The following NUDC variants were observed in gnomAD, a reference collection of about 807,000 sequenced individuals.
NUDC encodes the protein nuclear migration protein nudC.
Under a neutral mutation model 45.0 loss-of-function variants are expected in NUDC, and 14 were observed. The observed-to-expected ratio is 0.31, with a 90% CI of 0.21 to 0.49. The LOEUF (loss-of-function observed/expected upper bound fraction) is 0.49. NUDC is among the 20% of genes least tolerant of loss of function. The probability of loss-of-function intolerance (pLI) is 0.99; values close to 1 mark genes in which losing one functional copy is unlikely to be tolerated. For missense variants in NUDC, 323 were observed against 426.2 expected (o/e 0.76, Z 2.13); for synonymous variants, 153 against 156.7 (o/e 0.98, Z 0.17).
At chr1:26,918,824 C>T (rs548990813), upstream of NUDC, among the ~76,000 whole-genome samples, 1 of 152,246 alleles carries the variant, frequency 6.6e-6, no homozygotes, top group South Asian at 2.1e-4. Flanking sequence ...GATCCACCTG[C>T]CTCAGCCTCC....
At position 26,946,234 on chromosome 1, in the gene NUDC, T is replaced by C; in HGVS notation, c.*53T>C. On this transcript the variant is annotated 3_prime_UTR_variant, in exon 9 of 9. Coordinates refer to ENST00000321265, the MANE Select transcript of NUDC (RefSeq NM_006600.4). Reference sequence around the variant, plus strand: ...GGGGCTGAGCTGCAACCACCCAACTTTCTTTCCCACTCTTCTCTGGGACTT... The same window carrying C: ...GGGGCTGAGCTGCAACCACCCAACTCTCTTTCCCACTCTTCTCTGGGACTT... The C allele has an allele frequency of 3.3e-6, 5 of 1,505,226 alleles. No homozygotes were observed. The highest frequency in any genetic ancestry group is 4.6e-6 in the Non-Finnish European group (5 of 1,082,626). The allele number at this position is 1,505,226 out of a possible 1,614,324, so 93.2% of individuals were successfully genotyped here.
chr1:26,942,251 A>G (rs1045969468), intron 4 of NUDC, among the ~76,000 whole-genome samples: 11 of 152,172 alleles, frequency 7.2e-5, no homozygotes, highest in African/African-American at 2.4e-4. Flanking sequence ...AGATCACGCC[A>G]CTGCACTCCA....
intron 2 of NUDC, among the ~76,000 whole-genome samples, chr1:26,902,745 C>CA (rs767379045): frequency 0.011 from 1,455 of 136,862 alleles, 8 homozygotes; most frequent in Admixed American, 0.016. Context: ...GAATCTGTCT[C>CA]AAAAAAAAAA....
Position 26,946,082 on chromosome 1 carries a change from C to A in NUDC, c.945-48C>A, listed in dbSNP as rs2082315494. ...ACGGGGGTGCTGGGAGAAGGGACAG[C>A]TTTAGAAGAGAAGGATGAGCTGTTT... On this transcript the variant is annotated intron_variant, in intron 8 of 8. Coordinates refer to ENST00000321265, the MANE Select transcript of NUDC (RefSeq NM_006600.4). 1.0e-5 allele frequency: 16 copies of A among 1,579,756 alleles called. No individual in the cohort carries two copies. In the East Asian group the frequency reaches 3.6e-4, roughly 35 times the overall value.
upstream of NUDC, among the ~76,000 whole-genome samples, chr1:26,918,149 G>A (rs1027839903): frequency 4.0e-5 from 6 of 151,256 alleles, no homozygotes; most frequent in Non-Finnish European, 5.9e-5. Flanking sequence ...CGAGGAATCT[G>A]GTGTCCATTA....
intron 6 of NUDC, among the ~76,000 whole-genome samples, chr1:26,944,983 A>T (rs533570194): frequency 1.3e-5 from 2 of 152,322 alleles, no homozygotes; most frequent in South Asian, 2.1e-4. Context: ...CAGAGGTTGC[A>T]GTGAGCCGAG....
intron 2 of NUDC, among the ~76,000 whole-genome samples, chr1:26,925,807 CGCCTTGCGAGT>C (rs1448258675): frequency 6.6e-6 from 1 of 150,946 alleles, no homozygotes; most frequent in Non-Finnish European, 1.5e-5. Flanking sequence ...CCACAACCTC[CGCCTTGCGAGT>C]TCAAGCAATT....
At chr1:26,943,284 T>G (rs1255655572) in intron 6 of NUDC, among the ~76,000 whole-genome samples, 2 of 152,164 alleles carry the variant, frequency 1.3e-5, no homozygotes, top group Non-Finnish European at 2.9e-5. Context: ...CTTAGCTCAC[T>G]GCAGCCTTGA....
intron 4 of NUDC, 140 bp from the exon 5 acceptor site, chr1:26,942,520 C>T (rs1302098987): frequency 4.0e-6 from 5 of 1,253,494 alleles, no homozygotes; most frequent in East Asian, 2.3e-5. Flanking sequence ...GGGGTCTGCC[C>T]CTCTGTGGAG....
chr1:26,905,390 A>C (rs2081998989), intron 2 of NUDC, among the ~76,000 whole-genome samples: 1 of 149,486 alleles, frequency 6.7e-6, no homozygotes, highest in Non-Finnish European at 1.5e-5. Context: ...CGAACTCCAG[A>C]CCTCAGGTGA....
chr1:26,909,664 T>G (rs2082017227), intron 2 of NUDC, among the ~76,000 whole-genome samples: 1 of 152,132 alleles, frequency 6.6e-6, no homozygotes. Flanking sequence ...CTGAATCTTC[T>G]GGATTTGGGT....
intron 2 of NUDC, among the ~76,000 whole-genome samples, chr1:26,925,964 T>A (rs1456259572): frequency 6.6e-6 from 1 of 151,982 alleles, no homozygotes; most frequent in Non-Finnish European, 1.5e-5. Context: ...TCAGGTGATC[T>A]GCCTGCCTTG....
At chr1:26,902,910 A>G (rs1278250915) in intron 2 of NUDC, among the ~76,000 whole-genome samples, 1 of 152,012 alleles carries the variant, frequency 6.6e-6, no homozygotes, top group Admixed American at 6.6e-5. Context: ...TTAGCCACTC[A>G]TGGTGGTATG....
At chr1:26,915,121 G>A (rs1042479061) in intron 3 of NUDC, among the ~76,000 whole-genome samples, 12 of 149,076 alleles carry the variant, frequency 8.0e-5, no homozygotes, top group Non-Finnish European at 1.6e-4. Context: ...TATGTGTCAG[G>A]CACTTCCCAC....
chr1:26,932,924 C>G lies in NUDC; in HGVS notation c.160-8533C>G, dbSNP rs1294663436. On this transcript the variant is annotated intron_variant, in intron 2 of 8. Transcript: ENST00000321265. ...TAGCATGTGACAGGATTTCCATCCC[C>G]TTTAAGGCTGAATAATATTCCATTA... is the stretch of plus-strand genomic sequence containing the variant. Among the ~76,000 whole-genome samples the G allele has an allele frequency of 2.0e-5, 3 of 152,130 alleles. No individual in the cohort carries two copies. The East Asian group carries it at 5.8e-4, about 29-fold the overall frequency.
At chr1:26,927,371 G>T (rs1345820455) in intron 2 of NUDC, among the ~76,000 whole-genome samples, 1 of 145,696 alleles carries the variant, frequency 6.9e-6, no homozygotes, top group Non-Finnish European at 1.5e-5. Flanking sequence ...GCCTCCCAAA[G>T]TGCTGGGACT....
chr1:26,929,686 GTAAA>G (rs1264860399), intron 2 of NUDC: 1 of 431,782 alleles, frequency 2.3e-6, no homozygotes, highest in Admixed American at 2.4e-5. Flanking sequence ...TTTTTGATGA[GTAAA>G]TATTATGTGA....
chr1:26,904,776 ATTC>A (rs1172845212), intron 2 of NUDC, among the ~76,000 whole-genome samples: 1 of 152,134 alleles, frequency 6.6e-6, no homozygotes, highest in Admixed American at 6.6e-5. Flanking sequence ...TCTTATGGGA[ATTC>A]TTCTGCTGGA....
At chr1:26,921,172 C>T (rs980352411), upstream of NUDC, among the ~76,000 whole-genome samples, 5 of 152,076 alleles carry the variant, frequency 3.3e-5, no homozygotes, top group Non-Finnish European at 4.4e-5. Flanking sequence ...TTCCTGGGCC[C>T]AGTGCAAAAT....
Sources: gnomAD v4.1 joint callset for allele counts (sites outside exome capture counted in the v4.1 genomes callset) on GRCh38, gnomAD v4.1.1 for gene constraint, MANE v1.5 for transcripts, NCBI Gene and HGNC (gene_info 2026-07-23, HGNC 2026-07-21) for gene names.